PALMD: variants seen among roughly 807,000 people sequenced by gnomAD.
PALMD encodes the protein paralemmin-like protein.
In PALMD, 42 loss-of-function variants were observed where a neutral mutation model predicts 56.2. That is an observed-to-expected ratio of 0.75 (90% CI 0.58 to 0.97). The LOEUF is 0.97. PALMD is among the 50% of genes least tolerant of loss of function. The pLI is 0.00. For missense variants in PALMD, 660 were observed against 643.8 expected, an observed-to-expected ratio of 1.03 and a Z score of -0.27; for synonymous variants, 242 against 222.9, an observed-to-expected ratio of 1.09 and a Z score of -0.76.
At position 99,686,911 on chromosome 1, in the gene PALMD, G is replaced by T; in HGVS notation, c.367-19G>T. 1.3e-6 allele frequency: 2 copies of T among 1,535,990 alleles called. No homozygotes were observed. Among genetic ancestry groups the T allele is most frequent in the South Asian group, 1.2e-5 (1 of 85,942 alleles). ...TTTTTTAAACTGTATTAATCATGGA[G>T]AATTCTTTTTTCTTACAGTCTGTGA... On this transcript the variant is annotated intron_variant, in intron 4 of 7. Coordinates refer to ENST00000263174, the MANE Select transcript of PALMD (RefSeq NM_017734.5).
At chr1:99,686,179 A>G (rs901906483) in intron 3 of PALMD, 2 of 152,248 alleles carry the variant, frequency 1.3e-5, no homozygotes, top group Admixed American at 6.5e-5. Flanking sequence ...GTCATTTTCA[A>G]TGGTAGAATA....
chr1:99,689,924 C>G, intron 7 of PALMD, 52 bp downstream of exon 7: 1 of 1,513,648 alleles, frequency 6.6e-7, no homozygotes, highest in Non-Finnish European at 8.8e-7. Flanking sequence ...TGACCAGCTT[C>G]TCTTGTGCTA....
intron 3 of PALMD, among the ~76,000 whole-genome samples, chr1:99,673,374 T>C (rs1242098691): frequency 6.6e-6 from 1 of 152,120 alleles, no homozygotes; most frequent in African/African-American, 2.4e-5. Context: ...TGAGATATGC[T>C]ACGTGAAAAA....
intron 1 of PALMD, among the ~76,000 whole-genome samples, chr1:99,658,140 C>T (rs1652767286): frequency 6.6e-6 from 1 of 151,794 alleles, no homozygotes; most frequent in African/African-American, 2.4e-5. Context: ...ATCATCTCTA[C>T]TAAAAATACA....
At chr1:99,680,596 A>G (rs1319160504) in intron 3 of PALMD, among the ~76,000 whole-genome samples, 2 of 152,134 alleles carry the variant, frequency 1.3e-5, no homozygotes, top group Admixed American at 6.5e-5. Context: ...CTCAATTCCC[A>G]TTCTGAAAGG....
intron 1 of PALMD, among the ~76,000 whole-genome samples, chr1:99,651,250 A>G (rs999940685): frequency 6.6e-6 from 1 of 152,250 alleles, no homozygotes; most frequent in East Asian, 1.9e-4. Flanking sequence ...TTTGCCAAAC[A>G]TAACAGCCCA....
intron 6 of PALMD, 59 bp from the exon 7 acceptor site, chr1:99,688,713 AAGC>A: frequency 9.6e-7 from 1 of 1,039,964 alleles, no homozygotes; most frequent in East Asian, 2.4e-5. Flanking sequence ...AACACAGTGA[AAGC>A]AGGTTAGTTT....
intron 7 of PALMD, chr1:99,690,127 C>G: frequency 2.1e-6 from 1 of 469,978 alleles, no homozygotes; most frequent in Non-Finnish European, 3.7e-6. Context: ...TGAATTTCAT[C>G]TTCTATCATG....
chr1:99,689,824 T>C lies in PALMD; in HGVS notation c.1564T>C (p.Phe522Leu). 6.2e-7 allele frequency: 1 copy of C among 1,612,736 alleles called. No individual in the cohort carries two copies. The highest frequency in any genetic ancestry group is 8.5e-7 in the Non-Finnish European group (1 of 1,179,668). The change falls in exon 7 of 8, where the codon TTT becomes CTT. Residue 522 changes from phenylalanine to leucine, a missense_variant. Phe to Leu is a conservative substitution (Grantham distance 22). Coordinates refer to ENST00000263174, the MANE Select transcript of PALMD (RefSeq NM_017734.5). ...SLGSPVHHSPFDAQTTGDGTE... is the reference protein window; with the variant it reads ...SLGSPVHHSPLDAQTTGDGTE... ...AGGCAGCCCTGTCCACCATTCCCCA[T>C]TTGATGCTCAGACAACTGGAGATGG...
intron 2 of PALMD, 86 bp from the exon 3 acceptor site, chr1:99,667,556 T>G (rs1652993831): frequency 1.8e-6 from 2 of 1,093,810 alleles, no homozygotes; most frequent in Non-Finnish European, 1.4e-6. Flanking sequence ...TGTCACCTAT[T>G]GAAATTCATA....
chr1:99,686,884 T>C (rs1653512298), intron 4 of PALMD, 46 bp from the exon 5 acceptor site: 1 of 1,431,716 alleles, frequency 7.0e-7, no homozygotes, highest in African/African-American at 1.4e-5. Context: ...ATTTAGATTC[T>C]ATTTTTTAAA....
At chr1:99,678,307 G>T (rs959757510) in intron 3 of PALMD, among the ~76,000 whole-genome samples, 3 of 151,948 alleles carry the variant, frequency 2.0e-5, no homozygotes, top group Non-Finnish European at 4.4e-5. Context: ...GTTTCACCAT[G>T]TTGGCCGGGC....
Position 99,648,752 on chromosome 1 carries a change from C to T in PALMD, c.45+2390C>T, listed in dbSNP as rs558679757. Among the ~76,000 whole-genome samples the T allele has an allele frequency of 9.7e-4, 147 of 151,936 alleles. 1 individual carries two copies. The highest frequency in any genetic ancestry group is 1.8e-3 in the Non-Finnish European group (121 of 67,940). The stretch of plus-strand genomic sequence containing the variant: ...GCTGGCTATAAAATAAAATAATCTT[C>T]ACAGTTGTATTTATTCTACCTGGTT... On this transcript the variant is annotated intron_variant, in intron 1 of 7. Transcript: ENST00000263174.
chr1:99,664,499 C>A (rs1652917804), intron 2 of PALMD, among the ~76,000 whole-genome samples: 1 of 152,082 alleles, frequency 6.6e-6, no homozygotes, highest in African/African-American at 2.4e-5. Context: ...GATACATAAA[C>A]TCATAATAAC....
chr1:99,681,105 A>G (rs923114689), intron 3 of PALMD, among the ~76,000 whole-genome samples: 202 of 148,832 alleles, frequency 1.4e-3, no homozygotes, highest in African/African-American at 4.5e-3. Context: ...GTGTGTATAT[A>G]TGTGTGTGTG....
intron 1 of PALMD, among the ~76,000 whole-genome samples, chr1:99,652,679 G>GGAAAAGAAAAGAAAA (rs1491347228): frequency 1.1e-5 from 1 of 91,322 alleles, no homozygotes; most frequent in Admixed American, 1.2e-4. Flanking sequence ...GGAAAGGAAA[G>GGAAAAGAAAAGAAAA]GAAAGGAAAG....
intron 2 of PALMD, among the ~76,000 whole-genome samples, chr1:99,667,336 A>T (rs1170107872): frequency 6.6e-6 from 1 of 152,190 alleles, no homozygotes; most frequent in Non-Finnish European, 1.5e-5. Context: ...ATGGTTCTGA[A>T]GACAGAAAGT....
At chr1:99,662,486 G>A in intron 2 of PALMD, 87 bp downstream of exon 2, 4 of 804,530 alleles carry the variant, frequency 5.0e-6, no homozygotes, top group African/African-American at 1.8e-5. Flanking sequence ...AAAGCTTTAG[G>A]AAAGAAAAAA....
At chr1:99,688,212 G>A (rs773323736) in intron 6 of PALMD, among the ~76,000 whole-genome samples, 8 of 151,972 alleles carry the variant, frequency 5.3e-5, no homozygotes, top group South Asian at 4.1e-4. Flanking sequence ...TCTCCCTCCC[G>A]TTTCCATCCC....
Sources: gnomAD v4.1 joint callset for allele counts (sites outside exome capture counted in the v4.1 genomes callset) on GRCh38, gnomAD v4.1.1 for gene constraint, MANE v1.5 for transcripts, NCBI Gene and HGNC (gene_info 2026-07-23, HGNC 2026-07-21) for gene names.